Variants in SMCR8 observed in about 807,000 individuals in gnomAD.
SMCR8 encodes SMCR8-C9orf72 complex subunit, also known as guanine nucleotide exchange protein SMCR8.
Under a neutral mutation model 56.6 loss-of-function variants are expected in SMCR8, and 30 were observed. The ratio of observed to expected loss-of-function variants is 0.53; its 90% confidence interval spans 0.40 to 0.72. SMCR8 has a LOEUF of 0.72. Among genes scored for constraint, SMCR8 ranks in the 30% least tolerant of loss-of-function variants. The probability of loss-of-function intolerance (pLI) is 0.00; values close to 1 mark genes in which losing one functional copy is unlikely to be tolerated. For synonymous variants in SMCR8, 538 were observed against 456.0 expected, an observed-to-expected ratio of 1.18 and a Z score of -2.29; for missense variants, 1,198 against 1,157.0, an observed-to-expected ratio of 1.04 and a Z score of -0.51.
At chr17:18,318,195 T>TGA in intron 1 of SMCR8, 46 bp downstream of exon 1, 1 of 1,553,788 alleles carries the variant, frequency 6.4e-7, no homozygotes, top group Non-Finnish European at 8.8e-7. Flanking sequence ...CAGATAGGGA[T>TGA]GAGGTATATT....
rs770906912 is a variant in SMCR8, at chr17:18,317,684, T to G, written c.1895T>G (p.Val632Gly). 7.4e-6 allele frequency: 12 copies of G among 1,614,074 alleles called. No homozygotes were observed. In the Admixed American group the frequency reaches 2.0e-4, roughly 27 times the overall value. ...KDQGFRVDFS[V>G]ENANPSSRDN... is the part of the protein sequence containing the mutation. Reference sequence around the variant, plus strand: ...CAGGGGTTCCGTGTAGACTTTTCAGTGGAAAATGCCAACCCTTCTTCCCGA... The same window carrying G: ...CAGGGGTTCCGTGTAGACTTTTCAGGGGAAAATGCCAACCCTTCTTCCCGA... Residue 632 changes from valine to glycine, a missense_variant, in exon 1 of 2, where the codon GTG becomes GGG. Val to Gly is a moderately radical substitution (Grantham distance 109, BLOSUM62 -3). Coordinates refer to ENST00000406438, the MANE Select transcript of SMCR8 (RefSeq NM_144775.3).
In SMCR8 at chr17:18,325,593, G is replaced by A. The variant is rs898140461; in HGVS notation, c.*2523G>A. ...ATGCAAAGTATGTTTCCTTTCAAAGGGATCTTGACGTGGTACCAGGACTGA... is the reference window on the plus strand; with the variant it reads ...ATGCAAAGTATGTTTCCTTTCAAAGAGATCTTGACGTGGTACCAGGACTGA... On this transcript the variant is annotated 3_prime_UTR_variant, in exon 2 of 2. Transcript: ENST00000406438. 5 of 152,186 alleles carry A rather than the reference G, an allele frequency of 3.3e-5. No individual in the cohort carries two copies. Among genetic ancestry groups the A allele is most frequent in the Non-Finnish European group, 7.4e-5 (5 of 68,026 alleles). 9.4% of individuals were successfully genotyped at this position (152,186 alleles called of 1,614,324 possible).
At position 18,324,159 on chromosome 17, in the gene SMCR8, C is replaced by T. The variant is rs527529268; in HGVS notation, c.*1089C>T. 2 of 152,334 alleles carry T rather than the reference C, an allele frequency of 1.3e-5. No individual in the cohort carries two copies. Among genetic ancestry groups the T allele is most frequent in the South Asian group, 2.1e-4 (1 of 4,822 alleles). The allele number at this position is 152,334 out of a possible 1,614,324, so 9.4% of individuals were successfully genotyped here. ...AGCTGGTGCAGGTGGTTGGCCCAGCCGATGAGAACTCAAATAGCACGGATT... is the reference window on the plus strand; with the variant it reads ...AGCTGGTGCAGGTGGTTGGCCCAGCTGATGAGAACTCAAATAGCACGGATT... On this transcript the variant is annotated 3_prime_UTR_variant, in exon 2 of 2. Coordinates refer to ENST00000406438, the MANE Select transcript of SMCR8 (RefSeq NM_144775.3).
chr17:18,318,288 C>A (rs999200512), intron 1 of SMCR8, 139 bp downstream of exon 1: 2 of 816,782 alleles, frequency 2.4e-6, no homozygotes, highest in African/African-American at 3.4e-5. Context: ...GCAAGTCATC[C>A]CCCTCTCTGG....
rs764521171 is a variant in SMCR8, at chr17:18,322,741, C to A, written c.2485C>A (p.Arg829Ser). 12 of 1,614,172 alleles carry A rather than the reference C, an allele frequency of 7.4e-6. No homozygotes were observed. In the East Asian group the frequency reaches 2.5e-4, roughly 33 times the overall value. The stretch of plus-strand genomic sequence containing the variant: ...CCTTTACAGAGGCACCCTGGTGCCC[C>A]GCCTGGCAGACCACCGCACACAGAT... ...CPLYRGTLVP[R>S]LADHRTQIKR... The change falls in exon 2 of 2, where the codon CGC (arginine) becomes AGC (serine). Residue 829 changes from arginine (R) to serine (S), a missense_variant. Coordinates refer to ENST00000406438, the MANE Select transcript of SMCR8 (RefSeq NM_144775.3).
intron 1 of SMCR8, among the ~76,000 whole-genome samples, chr17:18,320,907 C>G (rs1335544109): frequency 1.3e-5 from 2 of 152,242 alleles, no homozygotes; most frequent in Non-Finnish European, 1.5e-5. Context: ...ACGAATCCCC[C>G]AGGTCTTCCC....
At position 18,325,163 on chromosome 17, in the gene SMCR8, C is replaced by G. The variant is rs1982614920; in HGVS notation, c.*2093C>G. On this transcript the variant is annotated 3_prime_UTR_variant, in exon 2 of 2. Transcript: ENST00000406438. ...TCACTGGCACCACCACTGTGGCATT[C>G]CTGTCACACCAACACAGAAATTCAC... 6.6e-6 allele frequency: 1 copy of G among 152,274 alleles called. No individual in the cohort carries two copies. The highest frequency in any genetic ancestry group is 1.5e-5 in the Non-Finnish European group (1 of 68,074). 9.4% of individuals were successfully genotyped at this position (152,274 alleles called of 1,614,324 possible).
rs368924055 is a variant in SMCR8, at chr17:18,321,006, A to T, written c.2361-1611A>T. Among the ~76,000 whole-genome samples the T allele has an allele frequency of 1.1e-4, 17 of 152,252 alleles. 1 individual carries two copies. In the East Asian group the frequency reaches 2.3e-3, roughly 21 times the overall value. On this transcript the variant is annotated intron_variant, in intron 1 of 1. Transcript: ENST00000406438. ...ATTTCTTTTTTTCTCAATCAGACTG[A>T]GCTCATGCAGGACAAGAGTTCTAGG...
At chr17:18,319,439 C>T (rs963924475) in intron 1 of SMCR8, among the ~76,000 whole-genome samples, 1 of 152,092 alleles carries the variant, frequency 6.6e-6, no homozygotes, top group African/African-American at 2.4e-5. Flanking sequence ...GAGATGTCTT[C>T]GGTGGTTGTG....
chr17:18,317,864 C>A lies in SMCR8; in HGVS notation c.2075C>A (p.Ala692Asp). Residue 692 changes from alanine (A) to aspartate (D), a missense_variant, in exon 1 of 2, where the codon GCT (alanine) becomes GAT (aspartate). Coordinates refer to ENST00000406438, the MANE Select transcript of SMCR8 (RefSeq NM_144775.3). Reference sequence around the variant, plus strand: ...ACCAGCTCAGACAGGATCCCCTCTGCTTATCCTGCTGGCCTGTCTTCCGAT... The same window carrying A: ...ACCAGCTCAGACAGGATCCCCTCTGATTATCCTGCTGGCCTGTCTTCCGAT... ...ASTSSDRIPSAYPAGLSSDRH... is the reference protein window; with the variant it reads ...ASTSSDRIPSDYPAGLSSDRH... 1 of 1,614,206 alleles carries A rather than the reference C, an allele frequency of 6.2e-7. No individual in the cohort carries two copies.
rs1487376701 is a variant in SMCR8, at chr17:18,327,156, C to CT, written c.*4087dup. 6.6e-6 allele frequency: 1 copy of CT among 152,110 alleles called. No individual in the cohort carries two copies. Among genetic ancestry groups the CT allele is most frequent in the Non-Finnish European group, 1.5e-5 (1 of 68,044 alleles). The allele number at this position is 152,110 out of a possible 1,614,324, so 9.4% of individuals were successfully genotyped here. On this transcript the variant is annotated 3_prime_UTR_variant, in exon 2 of 2. Transcript: ENST00000406438. Reference sequence around the variant, plus strand: ...ATCTCAGCTGACAAGGCTGGGCAAACTAAGTTTTCCTGAGCCCATTTTCCT... The same window carrying CT: ...ATCTCAGCTGACAAGGCTGGGCAAACTTAAGTTTTCCTGAGCCCATTTTCCT...
Position 18,316,289 on chromosome 17 carries a change from A to T in SMCR8, c.500A>T (p.Gln167Leu). 6.2e-7 allele frequency: 1 copy of T among 1,614,082 alleles called. No homozygotes were observed. The highest frequency in any genetic ancestry group is 8.5e-7 in the Non-Finnish European group (1 of 1,180,034). The change falls in exon 1 of 2, where the codon CAG (glutamine) becomes CTG (leucine). Residue 167 changes from glutamine (Q) to leucine (L), a missense_variant. Gln to Leu is a moderately radical substitution (Grantham distance 113). Coordinates refer to ENST00000406438, the MANE Select transcript of SMCR8 (RefSeq NM_144775.3). ...TCTGCAGACCAGCATAAAATCATGC[A>T]GCAGTTCCAGGAGCTTTCAGCCGAA... ...YISADQHKIM[Q>L]QFQELSAEFS...
chr17:18,320,657 G>A (rs550649744), intron 1 of SMCR8, among the ~76,000 whole-genome samples: 13 of 152,310 alleles, frequency 8.5e-5, no homozygotes, highest in African/African-American at 1.2e-4. Flanking sequence ...TGAGGAGAGC[G>A]TCTCACTGCC....
rs1393824331 is a variant in SMCR8, at chr17:18,323,261, G to A, written c.*191G>A. 32 of 583,302 alleles carry A rather than the reference G, an allele frequency of 5.5e-5. No individual in the cohort carries two copies. Among genetic ancestry groups the A allele is most frequent in the East Asian group, 1.4e-4 (5 of 35,582 alleles). 36.1% of individuals were successfully genotyped at this position (583,302 alleles called of 1,614,324 possible). A position where few individuals can be genotyped will look rare whatever the true frequency, so the allele number is the denominator to read the frequency against. On this transcript the variant is annotated 3_prime_UTR_variant, in exon 2 of 2. Coordinates refer to ENST00000406438, the MANE Select transcript of SMCR8 (RefSeq NM_144775.3). ...GTGGAGCCTGGCTCCCTCTAAAGGC[G>A]TCTGGAGGGATGGTGACAGCTACAT... is the stretch of plus-strand genomic sequence containing the variant.
Position 18,316,826 on chromosome 17 carries a change from G to C in SMCR8, c.1037G>C (p.Arg346Thr). Reference sequence around the variant, plus strand: ...CTCAGCCACATTGAACACATGTTCAGAGGAGACCTGTGTTACCTCCTGACC... The same window carrying C: ...CTCAGCCACATTGAACACATGTTCACAGGAGACCTGTGTTACCTCCTGACC... ...AQLSHIEHMF[R>T]GDLCYLLTSQ... Residue 346 changes from arginine (R) to threonine (T), a missense_variant, in exon 1 of 2, where the codon AGA becomes ACA. Physicochemically the swap from Arg to Thr is moderately conservative, Grantham distance 71 (BLOSUM62 -1). Coordinates refer to ENST00000406438, the MANE Select transcript of SMCR8 (RefSeq NM_144775.3). 6.2e-7 allele frequency: 1 copy of C among 1,614,236 alleles called. No homozygotes were observed. Among genetic ancestry groups the C allele is most frequent in the Non-Finnish European group, 8.5e-7 (1 of 1,180,046 alleles).
At position 18,327,322 on chromosome 17, in the gene SMCR8, T is replaced by G. The variant is rs1323334589; in HGVS notation, c.*4252T>G. The G allele has an allele frequency of 6.6e-6, 1 of 152,268 alleles. No individual in the cohort carries two copies. Among genetic ancestry groups the G allele is most frequent in the Non-Finnish European group, 1.5e-5 (1 of 68,086 alleles). The allele number at this position is 152,268 out of a possible 1,614,324, so 9.4% of individuals were successfully genotyped here. A position where few individuals can be genotyped will look rare whatever the true frequency, so the allele number is the denominator to read the frequency against. On this transcript the variant is annotated 3_prime_UTR_variant, in exon 2 of 2. Coordinates refer to ENST00000406438, the MANE Select transcript of SMCR8 (RefSeq NM_144775.3). Reference sequence around the variant, plus strand: ...TTAATCTGTTGGTAGGGGCCCAGCTTCTTGGGAGTGCTTATTCAGCCCAAG... The same window carrying G: ...TTAATCTGTTGGTAGGGGCCCAGCTGCTTGGGAGTGCTTATTCAGCCCAAG...
chr17:18,320,429 A>AG, intron 1 of SMCR8, among the ~76,000 whole-genome samples: 1 of 152,324 alleles, frequency 6.6e-6, no homozygotes, highest in Admixed American at 6.5e-5. Context: ...CAGCTGCATC[A>AG]GGGGATGCTG....
intron 1 of SMCR8, among the ~76,000 whole-genome samples, chr17:18,321,891 T>C (rs1228090288): frequency 6.6e-6 from 1 of 152,208 alleles, no homozygotes; most frequent in Non-Finnish European, 1.5e-5. Flanking sequence ...TCAGAGAGGT[T>C]AATGAATTTG....
rs1277895047 is a variant in SMCR8 at position 18,316,301 on chromosome 17, A to G, written c.512A>G (p.Glu171Gly). The G allele has an allele frequency of 6.2e-7, 1 of 1,614,020 alleles. No homozygotes were observed. The highest frequency in any genetic ancestry group is 8.5e-7 in the Non-Finnish European group (1 of 1,180,054). The change falls in exon 1 of 2, where the codon GAG becomes GGG. Residue 171 changes from glutamate to glycine, a missense_variant. Physicochemically the swap from Glu to Gly is moderately conservative, Grantham distance 98. Transcript: ENST00000406438. ...DQHKIMQQFQ[E>G]LSAEFSRASE... ...CATAAAATCATGCAGCAGTTCCAGG[A>G]GCTTTCAGCCGAATTTTCCAGAGCT...
Sources: gnomAD v4.1 joint callset for allele counts (sites outside exome capture counted in the v4.1 genomes callset) on GRCh38, gnomAD v4.1.1 for gene constraint, MANE v1.5 for transcripts, NCBI Gene and HGNC (gene_info 2026-07-23, HGNC 2026-07-21) for gene names.